Variants in PPARGC1A observed in about 807,000 individuals in gnomAD.
The protein encoded by PPARGC1A is peroxisome proliferator-activated receptor gamma coactivator 1-alpha.
In PPARGC1A, 25 loss-of-function variants were observed where a neutral mutation model predicts 88.7. The observed-to-expected ratio is 0.28, with a 90% CI of 0.21 to 0.39. The LOEUF is 0.39. PPARGC1A is among the 10% of genes least tolerant of loss of function. The pLI is 1.00. For missense variants in PPARGC1A, 880 were observed against 968.7 expected (o/e 0.91, Z 1.22); for synonymous variants, 363 against 355.6 (o/e 1.02, Z -0.24).
chr4:24,124,606 C>T, the PPARGC1A span, among the ~76,000 whole-genome samples: 1 of 152,048 alleles, frequency 6.6e-6, no homozygotes, highest in Non-Finnish European at 1.5e-5. Context: ...GGAGAGGGAG[C>T]TCCTAGTTGC....
chr4:24,296,089 C>T, the PPARGC1A span, among the ~76,000 whole-genome samples: 11 of 150,038 alleles, frequency 7.3e-5, no homozygotes, highest in African/African-American at 2.7e-4. Flanking sequence ...TACATATATA[C>T]ACACATACAT....
chr4:24,239,715 A>G, the PPARGC1A span, among the ~76,000 whole-genome samples: 7 of 152,188 alleles, frequency 4.6e-5, no homozygotes, highest in Non-Finnish European at 1.0e-4. Flanking sequence ...AAAAGTGTAT[A>G]TATATGGTAT....
chr4:24,100,654 T>C, the PPARGC1A span, among the ~76,000 whole-genome samples: 1 of 152,092 alleles, frequency 6.6e-6, no homozygotes, highest in African/African-American at 2.4e-5. Flanking sequence ...ATAGATAACC[T>C]TGGAATTAAA....
chr4:24,405,388 C>T, the PPARGC1A span, among the ~76,000 whole-genome samples: 240 of 152,108 alleles, frequency 1.6e-3, 2 homozygotes, highest in East Asian at 0.024. Context: ...GAGAGAAGAG[C>T]GAGAGCTTTT....
chr4:23,828,473 G>GTTC lies in PPARGC1A; in HGVS notation c.681_683dup (p.Glu227_Asn228insLys). 6.2e-7 allele frequency: 1 copy of GTTC among 1,614,042 alleles called. No homozygotes were observed. The highest frequency in any genetic ancestry group is 8.5e-7 in the Non-Finnish European group (1 of 1,179,972). ...TGCATTTGTCTCTGCTGCTGTTTCT[G>GTTC]TTCTCTGTGGGTTTGGTGTGAGGAG... is the stretch of plus-strand genomic sequence containing the variant. On this transcript the variant is annotated inframe_insertion, in exon 5 of 13. Coordinates refer to ENST00000264867, the MANE Select transcript of PPARGC1A (RefSeq NM_013261.5).
At chr4:24,339,127 A>G in the PPARGC1A span, among the ~76,000 whole-genome samples, 31 of 151,118 alleles carry the variant, frequency 2.1e-4, no homozygotes, top group Middle Eastern at 6.8e-3. Context: ...TGTAAGTGGA[A>G]TCACATATTT....
the PPARGC1A span, among the ~76,000 whole-genome samples, chr4:24,080,622 C>A: frequency 0.023 from 3,545 of 152,214 alleles, 126 homozygotes; most frequent in African/African-American, 0.067. Flanking sequence ...CAAGAATAAT[C>A]ATTGCTAATT....
the PPARGC1A span, among the ~76,000 whole-genome samples, chr4:24,327,853 C>G: frequency 6.6e-6 from 1 of 152,142 alleles, no homozygotes; most frequent in Non-Finnish European, 1.5e-5. Flanking sequence ...GCCAAGCCAT[C>G]GCATCCCCTG....
the PPARGC1A span, among the ~76,000 whole-genome samples, chr4:23,965,969 A>G: frequency 6.6e-6 from 1 of 152,200 alleles, no homozygotes; most frequent in Non-Finnish European, 1.5e-5. Flanking sequence ...ACAATAAAGC[A>G]TGCCAAACAA....
rs376845965 is a variant in PPARGC1A, at chr4:23,830,979, T to C, written c.429+578A>G. On this transcript the variant is annotated intron_variant, in intron 3 of 12. Coordinates refer to ENST00000264867, the MANE Select transcript of PPARGC1A (RefSeq NM_013261.5). ...GCACATTCGTTGATCTACCAATTCTTTCTAGGATTGTATGTATAAGAATAA... is the reference window on the plus strand; with the variant it reads ...GCACATTCGTTGATCTACCAATTCTCTCTAGGATTGTATGTATAAGAATAA... Among the ~76,000 whole-genome samples the C allele has an allele frequency of 3.9e-5, 6 of 152,302 alleles. No individual in the cohort carries two copies. The South Asian group carries it at 1.2e-3, about 32-fold the overall frequency.
At chr4:24,046,580 C>G in the PPARGC1A span, among the ~76,000 whole-genome samples, 2 of 152,164 alleles carry the variant, frequency 1.3e-5, no homozygotes, top group South Asian at 2.1e-4. Context: ...AGTGACTGTC[C>G]TTTGTGCTCA....
chr4:23,903,210 T>C (rs377388879), upstream of PPARGC1A, among the ~76,000 whole-genome samples: 6 of 152,306 alleles, frequency 3.9e-5, no homozygotes, highest in South Asian at 6.2e-4. Flanking sequence ...AAGCATCATT[T>C]CAAATATAAA....
At chr4:24,347,297 AG>A in the PPARGC1A span, among the ~76,000 whole-genome samples, 7 of 150,424 alleles carry the variant, frequency 4.7e-5, no homozygotes, top group Non-Finnish European at 8.9e-5. Flanking sequence ...TCCAAGATAT[AG>A]TTTAAATCCA....
Position 23,814,102 on chromosome 4 carries a change from C to G in PPARGC1A, c.1381G>C (p.Glu461Gln), listed in dbSNP as rs148090593. ...KQLQDQEIRA[E>Q]LNKHFGHPSQ... ...GGATGACCGAAGTGCTTGTTCAGCT[C>G]GGCTCGGATTTCCTGGTCTTGGAGC... is the stretch of plus-strand genomic sequence containing the variant. The change falls in exon 8 of 13, where the codon GAG (glutamate) becomes CAG (glutamine). Residue 461 changes from glutamate (E) to glutamine (Q), a missense_variant. Transcript: ENST00000264867. 1.2e-6 allele frequency: 2 copies of G among 1,613,942 alleles called. No individual in the cohort carries two copies. The highest frequency in any genetic ancestry group is 1.3e-5 in the African/African-American group (1 of 74,910).
At position 23,793,419 on chromosome 4, in the gene PPARGC1A, GAC is replaced by G. The variant is rs1716988466; in HGVS notation, c.*2401_*2402del. 1 of 152,554 alleles carries G rather than the reference GAC, an allele frequency of 6.6e-6. No individual in the cohort carries two copies. Among genetic ancestry groups the G allele is most frequent in the South Asian group, 2.1e-4 (1 of 4,818 alleles). 9.5% of individuals were successfully genotyped at this position (152,554 alleles called of 1,614,324 possible). ...AAGCCAAAAAATCAAGCAAGCATCC[GAC>G]AGGACAAACAGTGGATTCACTCAGA... is the stretch of plus-strand genomic sequence containing the variant. On this transcript the variant is annotated 3_prime_UTR_variant, in exon 13 of 13. Coordinates refer to ENST00000264867, the MANE Select transcript of PPARGC1A (RefSeq NM_013261.5).
intron 10 of PPARGC1A, 121 bp downstream of exon 10, chr4:23,812,626 G>A (rs1330945688): frequency 2.0e-6 from 3 of 1,480,750 alleles, no homozygotes; most frequent in African/African-American, 2.8e-5. Context: ...CCAAAAGGCT[G>A]AAAATGGCCT....
the PPARGC1A span, among the ~76,000 whole-genome samples, chr4:24,136,579 C>T: frequency 2.0e-5 from 3 of 152,138 alleles, no homozygotes; most frequent in African/African-American, 7.2e-5. Context: ...AGAAGCACAG[C>T]AACAAAACAG....
the PPARGC1A span, among the ~76,000 whole-genome samples, chr4:24,281,150 G>C: frequency 3.9e-5 from 6 of 152,206 alleles, no homozygotes; most frequent in African/African-American, 1.4e-4. Flanking sequence ...CTGCCATTCA[G>C]ATTCTGGCTT....
chr4:24,054,802 A>G, the PPARGC1A span, among the ~76,000 whole-genome samples: 1 of 152,240 alleles, frequency 6.6e-6, no homozygotes, highest in Non-Finnish European at 1.5e-5. Flanking sequence ...ATATCTGAAT[A>G]CAAGAAACAG....
Sources: allele counts gnomAD v4.1 joint callset (sites outside exome capture counted in the v4.1 genomes callset), GRCh38; gene constraint gnomAD v4.1.1; transcripts MANE v1.5; gene names NCBI Gene and HGNC (gene_info 2026-07-23, HGNC 2026-07-21).